The following ST8SIA6 variants were observed in gnomAD, a reference collection of about 807,000 sequenced individuals.
ST8SIA6 encodes the protein ST8 alpha-N-acetyl-neuraminide alpha-2,8-sialyltransferase 6.
A neutral mutation model predicts 33.6 loss-of-function variants in ST8SIA6; 39 were observed. The observed-to-expected ratio is 1.16, with a 90% CI of 0.90 to 1.52. The LOEUF is 1.52. ST8SIA6 is among the 40% of genes most tolerant of loss of function. The pLI is 0.00. For synonymous variants in ST8SIA6, 172 were observed against 167.2 expected, an observed-to-expected ratio of 1.03 and a Z score of -0.22; for missense variants, 441 against 443.8, an observed-to-expected ratio of 0.99 and a Z score of 0.06.
chr10:17,346,144 C>A (rs359312), intron 4 of ST8SIA6, among the ~76,000 whole-genome samples: 1 of 152,272 alleles, frequency 6.6e-6, no homozygotes, highest in African/African-American at 2.4e-5. Flanking sequence ...AAGCTCAAGT[C>A]ACATATGGAG....
chr10:17,339,637 T>A (rs1848610345), intron 4 of ST8SIA6, among the ~76,000 whole-genome samples: 1 of 152,092 alleles, frequency 6.6e-6, no homozygotes, highest in Admixed American at 6.5e-5. Context: ...ACTTCTCTTC[T>A]TGCCTCATTT....
At chr10:17,429,731 C>T (rs774263611) in intron 2 of ST8SIA6, among the ~76,000 whole-genome samples, 65 of 152,214 alleles carry the variant, frequency 4.3e-4, no homozygotes, top group Admixed American at 2.6e-3. Context: ...GCGATCTGAC[C>T]GCCTCAGCCT....
chr10:17,345,687 A>G (rs1028305015), intron 4 of ST8SIA6, among the ~76,000 whole-genome samples: 1 of 152,214 alleles, frequency 6.6e-6, no homozygotes, highest in Non-Finnish European at 1.5e-5. Flanking sequence ...AGGCATCACA[A>G]AATCAACAAT....
chr10:17,317,227 C>T lies in ST8SIA6; in HGVS notation c.*3651G>A, dbSNP rs192356454. Among the ~76,000 whole-genome samples, 3 of 152,266 alleles carry T rather than the reference C, an allele frequency of 2.0e-5. No homozygotes were observed. The highest frequency in any genetic ancestry group is 6.5e-5 in the Admixed American group (1 of 15,288). ...CCCTGTCTCCATTACATAAGTAGCG[C>T]ATCTTTATCATATATCACCCACATT... is the stretch of plus-strand genomic sequence containing the variant. On this transcript the variant is annotated 3_prime_UTR_variant, in exon 8 of 8. Transcript: ENST00000377602.
chr10:17,353,933 T>A (rs1849110803), intron 4 of ST8SIA6, among the ~76,000 whole-genome samples: 1 of 152,010 alleles, frequency 6.6e-6, no homozygotes, highest in Admixed American at 6.6e-5. Context: ...TATTTCGGGG[T>A]TGGGGGCGGG....
At chr10:17,330,310 C>T (rs76102270) in intron 5 of ST8SIA6, among the ~76,000 whole-genome samples, 3,654 of 152,254 alleles carry the variant, frequency 0.024, 57 homozygotes, top group African/African-American at 0.041. Context: ...GCAAAACCTG[C>T]ATGGATGAAT....
At chr10:17,330,669 C>A (rs544857503) in intron 5 of ST8SIA6, among the ~76,000 whole-genome samples, 1 of 152,180 alleles carries the variant, frequency 6.6e-6, no homozygotes, top group Admixed American at 6.5e-5. Context: ...ATAGAGGGAT[C>A]CTATTTTGAC....
intron 3 of ST8SIA6, among the ~76,000 whole-genome samples, chr10:17,383,359 A>C (rs987707034): frequency 6.6e-6 from 1 of 152,234 alleles, no homozygotes; most frequent in African/African-American, 2.4e-5. Context: ...TTATACAGGA[A>C]GCATTGTCAA....
Position 17,434,734 on chromosome 10 carries a change from G to GAC in ST8SIA6, c.200+18823_200+18824dup, listed in dbSNP as rs112788153. ...AACCTGTGTCTGTAGGTGTTGGGAG[G>GAC]ACACACACACACACACACACGGGAA... On this transcript the variant is annotated intron_variant, in intron 2 of 7. Transcript: ENST00000377602. 9.6e-3 allele frequency among the ~76,000 whole-genome samples: 1,424 copies of GAC among 148,482 alleles called. 15 individuals are homozygous for GAC. The highest frequency in any genetic ancestry group is 0.029 in the African/African-American group (1,180 of 40,184).
chr10:17,408,982 C>T (rs1370562168), intron 2 of ST8SIA6, among the ~76,000 whole-genome samples: 1 of 150,858 alleles, frequency 6.6e-6, no homozygotes. Context: ...GGGGTTTCTC[C>T]ATATTGGTCA....
chr10:17,387,132 G>C (rs1850398240), intron 3 of ST8SIA6: 1 of 152,406 alleles, frequency 6.6e-6, no homozygotes, highest in African/African-American at 2.4e-5. Flanking sequence ...TGAAACTGGA[G>C]GGTGAAAAGC....
At position 17,370,627 on chromosome 10, in the gene ST8SIA6, G is replaced by A. The variant is rs145497931; in HGVS notation, c.291-11027C>T. Among the ~76,000 whole-genome samples the A allele has an allele frequency of 2.4e-3, 361 of 151,990 alleles. 2 individuals carry two copies. Among genetic ancestry groups the A allele is most frequent in the African/African-American group, 8.4e-3 (348 of 41,442 alleles). On this transcript the variant is annotated intron_variant, in intron 3 of 7. Transcript: ENST00000377602. Reference sequence around the variant, plus strand: ...TCTATTCTTTTTTCTCCTTAATTATGATATTATTATTATAGGTATTAGGCC... The same window carrying A: ...TCTATTCTTTTTTCTCCTTAATTATAATATTATTATTATAGGTATTAGGCC...
At chr10:17,425,498 C>T (rs1294470288) in intron 2 of ST8SIA6, among the ~76,000 whole-genome samples, 5 of 151,978 alleles carry the variant, frequency 3.3e-5, no homozygotes, top group South Asian at 2.1e-4. Context: ...AACTGTGAGG[C>T]GGAGGCTGCA....
At chr10:17,348,522 C>T (rs1311946958) in intron 4 of ST8SIA6, among the ~76,000 whole-genome samples, 1 of 152,160 alleles carries the variant, frequency 6.6e-6, no homozygotes, top group East Asian at 1.9e-4. Flanking sequence ...CGTCTGTGCT[C>T]TGAGAAACTG....
At chr10:17,442,216 T>C (rs1852524656) in intron 2 of ST8SIA6, among the ~76,000 whole-genome samples, 1 of 152,174 alleles carries the variant, frequency 6.6e-6, no homozygotes, top group South Asian at 2.1e-4. Flanking sequence ...CAAAACACAC[T>C]CTTAAGGAAA....
At chr10:17,375,399 A>C (rs1235983861) in intron 3 of ST8SIA6, among the ~76,000 whole-genome samples, 3 of 152,192 alleles carry the variant, frequency 2.0e-5, no homozygotes, top group Non-Finnish European at 2.9e-5. Context: ...TTTTCTTTTC[A>C]AGCAGCAATC....
chr10:17,395,855 C>A (rs1283810171), intron 2 of ST8SIA6, among the ~76,000 whole-genome samples: 1 of 152,138 alleles, frequency 6.6e-6, no homozygotes, highest in Non-Finnish European at 1.5e-5. Context: ...TACACTCCAG[C>A]CTGGGCAACA....
At chr10:17,408,655 C>G (rs1851351518) in intron 2 of ST8SIA6, among the ~76,000 whole-genome samples, 1 of 149,978 alleles carries the variant, frequency 6.7e-6, no homozygotes, top group Non-Finnish European at 1.5e-5. Context: ...GCGAGATTGT[C>G]TCAAAAAAAA....
intron 2 of ST8SIA6, among the ~76,000 whole-genome samples, chr10:17,447,687 A>G (rs568746845): frequency 3.9e-5 from 6 of 152,312 alleles, no homozygotes; most frequent in Admixed American, 2.6e-4. Context: ...CAATAACTCA[A>G]TTCAAATCAA....
Sources: gnomAD v4.1 joint callset for allele counts (sites outside exome capture counted in the v4.1 genomes callset) on GRCh38, gnomAD v4.1.1 for gene constraint, MANE v1.5 for transcripts, NCBI Gene and HGNC (gene_info 2026-07-23, HGNC 2026-07-21) for gene names.